MFHAS1: variants seen among roughly 807,000 people sequenced by gnomAD.
MFHAS1 encodes multifunctional ROCO family signaling regulator 1, also known as malignant fibrous histiocytoma-amplified sequence 1.
In MFHAS1, 50 loss-of-function variants were observed where a neutral mutation model predicts 70.4. The observed-to-expected ratio is 0.71, with a 90% CI of 0.57 to 0.90. The LOEUF is 0.90. MFHAS1 is among the 40% of genes least tolerant of loss of function. The pLI, the probability that MFHAS1 is intolerant of heterozygous loss-of-function variation, is 0.00. For missense variants in MFHAS1, 1,795 were observed against 1,347.6 expected, an observed-to-expected ratio of 1.33 and a Z score of -5.20; for synonymous variants, 952 against 620.0, an observed-to-expected ratio of 1.54 and a Z score of -7.96.
At chr8:8,817,705 G>T (rs1269188685) in intron 1 of MFHAS1, among the ~76,000 whole-genome samples, 2 of 152,224 alleles carry the variant, frequency 1.3e-5, no homozygotes, top group Non-Finnish European at 2.9e-5. Flanking sequence ...AGGGATGGCG[G>T]AGGAGGGGGA....
rs1451491632 is a variant in MFHAS1 at position 8,892,466 on chromosome 8, C to T, written c.593G>A (p.Arg198Gln). 1 of 1,608,206 alleles carries T rather than the reference C, an allele frequency of 6.2e-7. No homozygotes were observed. Among genetic ancestry groups the T allele is most frequent in the South Asian group, 1.1e-5 (1 of 90,346 alleles). Residue 198 changes from arginine to glutamine, a missense_variant, in exon 1 of 3, where the codon CGG becomes CAG. Physicochemically the swap from Arg to Gln is conservative, Grantham distance 43. Coordinates refer to ENST00000276282, the MANE Select transcript of MFHAS1 (RefSeq NM_004225.3). The surrounding 1 kb of genome is among the most constrained non-coding windows in gnomAD (Gnocchi z 4.7). ...VDHNQLTAFP[R>Q]QLLQLVALEE... ...CAGGGCCACCAGCTGCAGCAGCTGC[C>T]GGGGGAAGGCAGTGAGCTGGTTGTG... is the stretch of plus-strand genomic sequence containing the variant.
chr8:8,890,754 G>A lies in MFHAS1; in HGVS notation c.2305C>T (p.Pro769Ser), dbSNP rs1216928512. ...TGGCTGGGGGTGGACCGCGCCATGG[G>A]CGGGGAGCTTTCCCCCTCCGCCTTG... ...EGKAEGESSP[P>S]MARSTPSQEL... Residue 769 changes from proline (P) to serine (S), a missense_variant, in exon 1 of 3, where the codon CCC (proline) becomes TCC (serine). Transcript: ENST00000276282. The A allele has an allele frequency of 2.5e-6, 4 of 1,613,768 alleles. No individual in the cohort carries two copies. The highest frequency in any genetic ancestry group is 3.4e-6 in the Non-Finnish European group (4 of 1,179,902).
At chr8:8,862,772 C>G (rs918168141) in intron 1 of MFHAS1, among the ~76,000 whole-genome samples, 1 of 152,062 alleles carries the variant, frequency 6.6e-6, no homozygotes, top group East Asian at 1.9e-4. Context: ...GTAACCAGTC[C>G]CACTGTGGTT....
intron 1 of MFHAS1, among the ~76,000 whole-genome samples, chr8:8,871,698 A>C (rs1270160668): frequency 1.3e-5 from 2 of 152,208 alleles, no homozygotes; most frequent in Admixed American, 6.5e-5. Flanking sequence ...AGGCCCAGGG[A>C]GGCCAAGTGG....
At chr8:8,811,610 C>G (rs1244526287) in intron 1 of MFHAS1, among the ~76,000 whole-genome samples, 1 of 152,218 alleles carries the variant, frequency 6.6e-6, no homozygotes, top group African/African-American at 2.4e-5. Context: ...GGGTAACTAA[C>G]GTCCACCTGA....
At position 8,892,214 on chromosome 8, in the gene MFHAS1, G is replaced by A. The variant is rs770183041; in HGVS notation, c.845C>T (p.Ser282Phe). The change falls in exon 1 of 3, where the codon TCC becomes TTC. Residue 282 changes from serine (S) to phenylalanine (F), a missense_variant. Ser to Phe is a radical substitution (Grantham distance 155, BLOSUM62 -2). Coordinates refer to ENST00000276282, the MANE Select transcript of MFHAS1 (RefSeq NM_004225.3). The surrounding 1 kb of genome is among the most constrained non-coding windows in gnomAD (Gnocchi z 4.7). The part of the protein sequence containing the change: ...LQRLKMLNLS[S>F]NLFEEFPAAL... ...GGCAGGGAACTCCTCGAAGAGGTTG[G>A]AGGAGAGGTTGAGCATTTTGAGCCG... The A allele has an allele frequency of 2.5e-6, 4 of 1,610,676 alleles. No individual in the cohort carries two copies. The South Asian group carries it at 3.3e-5, about 13-fold the overall frequency.
intron 1 of MFHAS1, among the ~76,000 whole-genome samples, chr8:8,884,261 T>C (rs1809663691): frequency 6.6e-6 from 1 of 152,170 alleles, no homozygotes; most frequent in Non-Finnish European, 1.5e-5. Context: ...TATTTGTTTA[T>C]CCTAGTGCCT....
intron 1 of MFHAS1, among the ~76,000 whole-genome samples, chr8:8,805,335 T>A (rs1002221738): frequency 1.3e-5 from 2 of 152,210 alleles, no homozygotes; most frequent in African/African-American, 4.8e-5. Flanking sequence ...CTGGAAGCCT[T>A]ACCAATAATG....
At chr8:8,815,350 A>C (rs1300778900) in intron 1 of MFHAS1, among the ~76,000 whole-genome samples, 1 of 152,206 alleles carries the variant, frequency 6.6e-6, no homozygotes, top group African/African-American at 2.4e-5. Context: ...TCTTTATAAC[A>C]GAATGATTTA....
chr8:8,792,662 G>C (rs1039531771), intron 2 of MFHAS1, among the ~76,000 whole-genome samples: 1 of 152,170 alleles, frequency 6.6e-6, no homozygotes, highest in East Asian at 1.9e-4. Flanking sequence ...TGAACTAGGT[G>C]TTGGATAAGA....
At chr8:8,829,779 G>C (rs1807302187) in intron 1 of MFHAS1, among the ~76,000 whole-genome samples, 2 of 152,206 alleles carry the variant, frequency 1.3e-5, no homozygotes, top group South Asian at 2.1e-4. Flanking sequence ...ATGACAGCAA[G>C]TTAAACTAGA....
chr8:8,868,394 C>T (rs2116903439), intron 1 of MFHAS1, among the ~76,000 whole-genome samples: 1 of 149,378 alleles, frequency 6.7e-6, no homozygotes. Flanking sequence ...AACTAAAAGC[C>T]ATAATTAATC....
chr8:8,858,737 T>A (rs1048416472), intron 1 of MFHAS1, among the ~76,000 whole-genome samples: 2 of 152,122 alleles, frequency 1.3e-5, no homozygotes, highest in African/African-American at 4.8e-5. Flanking sequence ...GCATATGAGA[T>A]GAGCCAGCCC....
At chr8:8,815,223 T>G (rs937029368) in intron 1 of MFHAS1, among the ~76,000 whole-genome samples, 3 of 152,174 alleles carry the variant, frequency 2.0e-5, no homozygotes, top group Non-Finnish European at 4.4e-5. Flanking sequence ...TGCATTGTAT[T>G]CCATGGTGTA....
intron 1 of MFHAS1, among the ~76,000 whole-genome samples, chr8:8,838,084 T>C (rs1807668795): frequency 1.3e-5 from 2 of 152,340 alleles, no homozygotes; most frequent in South Asian, 2.1e-4. Flanking sequence ...AGCAATAAGA[T>C]GGATGAAGTA....
chr8:8,814,793 T>C (rs865847446), intron 1 of MFHAS1, among the ~76,000 whole-genome samples: 15 of 151,628 alleles, frequency 9.9e-5, no homozygotes, highest in Middle Eastern at 3.5e-3. Flanking sequence ...GTGATGCATA[T>C]TGGGGAGCTG....
At chr8:8,789,577 G>C (rs1401629740) in intron 2 of MFHAS1, among the ~76,000 whole-genome samples, 1 of 152,148 alleles carries the variant, frequency 6.6e-6, no homozygotes, top group Non-Finnish European at 1.5e-5. Flanking sequence ...GAGACACTTA[G>C]GCTGAAACTG....
rs1302022160 is a variant in MFHAS1, at chr8:8,797,412, A to C, written c.3078T>G (p.Val1026=). The change falls in exon 2 of 3, where the codon GTT becomes GTG. Residue 1026 remains valine (V), a synonymous_variant. Coordinates refer to ENST00000276282, the MANE Select transcript of MFHAS1 (RefSeq NM_004225.3). ...CPKNGSERVN[V]ALVYPPTPTV... ...TCGGCGTGGGTGGGTAAACCAAGGC[A>C]ACATTTACTCGCTCGCTGCCGTTCT... 6.2e-7 allele frequency: 1 copy of C among 1,614,148 alleles called. No individual in the cohort carries two copies. Among genetic ancestry groups the C allele is most frequent in the East Asian group, 2.2e-5 (1 of 44,882 alleles).
chr8:8,810,595 T>C (rs953681932), intron 1 of MFHAS1, among the ~76,000 whole-genome samples: 4 of 152,210 alleles, frequency 2.6e-5, no homozygotes, highest in South Asian at 2.1e-4. Flanking sequence ...CTTCCTATGA[T>C]TTTCTAAACA....
Sources: allele counts gnomAD v4.1 joint callset (sites outside exome capture counted in the v4.1 genomes callset), GRCh38; gene constraint gnomAD v4.1.1; non-coding constraint Gnocchi (gnomAD v3.1); transcripts MANE v1.5; gene names NCBI Gene and HGNC (gene_info 2026-07-23, HGNC 2026-07-21).